AQP1: variants seen among roughly 807,000 people sequenced by gnomAD.
AQP1 encodes the protein aquaporin 1 (Colton blood group).
In AQP1, 11 loss-of-function variants were observed where a neutral mutation model predicts 19.7. The ratio of observed to expected loss-of-function variants is 0.56; its 90% CI spans 0.35 to 0.92. The LOEUF (loss-of-function observed/expected upper bound fraction) is 0.92, where lower values mean the gene tolerates loss of function less well. AQP1 is among the 40% of genes least tolerant of loss of function. The pLI is 0.01. For missense variants in AQP1, 320 were observed against 369.7 expected, an observed-to-expected ratio of 0.87 and a Z score of 1.10; for synonymous variants, 159 against 166.7, an observed-to-expected ratio of 0.95 and a Z score of 0.36.
rs1791504153 is a variant in AQP1 at position 30,921,699 on chromosome 7, C to T, written c.385-367C>T. ...CTCCTAGGAGTGCTCCTGACCATCACCTTCATGCCTGGGGCTCGCCCCTTG... is the reference window on the plus strand; with the variant it reads ...CTCCTAGGAGTGCTCCTGACCATCATCTTCATGCCTGGGGCTCGCCCCTTG... On this transcript the variant is annotated intron_variant, in intron 1 of 3. Coordinates refer to ENST00000311813, the MANE Select transcript of AQP1 (RefSeq NM_198098.4). The T allele has an allele frequency of 2.6e-6, 4 of 1,551,016 alleles. No homozygotes were observed. The South Asian group carries it at 3.6e-5, about 14-fold the overall frequency.
rs1440027723 is a variant in AQP1, at chr7:30,912,372, C to CAGATG, written c.384+80_384+84dup. The CAGATG allele has an allele frequency of 1.3e-6, 2 of 1,549,476 alleles. No homozygotes were observed. Among genetic ancestry groups the CAGATG allele is most frequent in the Admixed American group, 1.7e-5 (1 of 57,926 alleles). Reference sequence around the variant, plus strand: ...CTGGTTCCATCCTCTGCCCATTGTGCAGATGGGGACACTGAGGAACGGAGA... The same window carrying CAGATG: ...CTGGTTCCATCCTCTGCCCATTGTGCAGATGAGATGGGGACACTGAGGAACGGAGA... On this transcript the variant is annotated intron_variant, in intron 1 of 3. Coordinates refer to ENST00000311813, the MANE Select transcript of AQP1 (RefSeq NM_198098.4). This position sits in a 1 kb window ranked among gnomAD's most constrained non-coding sequence, Gnocchi z 4.3.
rs758697272 is a variant in AQP1, at chr7:30,923,984, C to T, written c.*355C>T. 2.5e-5 allele frequency: 35 copies of T among 1,381,892 alleles called. No individual in the cohort carries two copies. The highest frequency in any genetic ancestry group is 3.8e-5 in the Admixed American group (2 of 52,442). The allele number at this position is 1,381,892 out of a possible 1,614,324, so 85.6% of individuals were successfully genotyped here. On this transcript the variant is annotated 3_prime_UTR_variant, in exon 4 of 4. Transcript: ENST00000311813. The surrounding 1 kb of genome is among the most constrained non-coding windows in gnomAD (Gnocchi z 4.8). ...CCAAAGTTGCTCACCGACTCACCTG[C>T]GCAAGTGCCTGGGATTCTACCGTAA...
intron 1 of AQP1, among the ~76,000 whole-genome samples, chr7:30,919,669 C>A (rs1306439495): frequency 6.6e-6 from 1 of 151,580 alleles, no homozygotes. Flanking sequence ...GGGAACTGTC[C>A]TTGTTTAAGC....
rs1044347359 is a variant in AQP1, at chr7:30,912,379, G to C, written c.384+86G>C. The C allele has an allele frequency of 6.5e-7, 1 of 1,533,974 alleles. No individual in the cohort carries two copies. Among genetic ancestry groups the C allele is most frequent in the Admixed American group, 1.7e-5 (1 of 57,358 alleles). ...CATCCTCTGCCCATTGTGCAGATGG[G>C]GACACTGAGGAACGGAGAGGACAAG... is the stretch of plus-strand genomic sequence containing the variant. On this transcript the variant is annotated intron_variant, in intron 1 of 3. Transcript: ENST00000311813. The surrounding 1 kb of genome is among the most constrained non-coding windows in gnomAD (Gnocchi z 4.3).
chr7:30,911,878 G>A lies in AQP1; in HGVS notation c.-32G>A, dbSNP rs755515550. 1.8e-5 allele frequency: 29 copies of A among 1,611,612 alleles called. No homozygotes were observed. The highest frequency in any genetic ancestry group is 1.7e-4 in the Middle Eastern group (1 of 5,720). On this transcript the variant is annotated 5_prime_UTR_variant, in exon 1 of 4. Transcript: ENST00000311813. ...AGCTCTCAGAGGGAATTGAGCACCC[G>A]GCAGCGGTCTCAGGCCAAGCCCCCT...
chr7:30,916,486 C>T (rs551767767), intron 1 of AQP1, among the ~76,000 whole-genome samples: 25 of 152,352 alleles, frequency 1.6e-4, no homozygotes, highest in African/African-American at 5.5e-4. Context: ...AAATGCTGTC[C>T]GCGAGGCCCT....
In AQP1 at chr7:30,921,166, T is replaced by C. The variant is rs1791487301; in HGVS notation, c.385-900T>C. On this transcript the variant is annotated intron_variant, in intron 1 of 3. Transcript: ENST00000311813. The stretch of plus-strand genomic sequence containing the variant: ...CCCCTGTGTGAGTGCACTTAGCCCC[T>C]GGGACGGCCACAAAGCATAGTGGAA... 9.7e-6 allele frequency: 6 copies of C among 620,942 alleles called. No individual in the cohort carries two copies. In the South Asian group the frequency reaches 3.3e-4, roughly 34 times the overall value. The allele number at this position is 620,942 out of a possible 1,614,324, so 38.5% of individuals were successfully genotyped here. A position where few individuals can be genotyped will look rare whatever the true frequency, so the allele number is the denominator to read the frequency against.
intron 1 of AQP1, 53 bp from the exon 2 acceptor site, chr7:30,922,013 C>T: frequency 1.2e-6 from 2 of 1,609,620 alleles, no homozygotes; most frequent in South Asian, 2.2e-5. Context: ...GGTCCTGGGA[C>T]ACAGTCCCTG....
intron 2 of AQP1, 49 bp downstream of exon 2, chr7:30,922,279 G>A (rs1353451453): frequency 6.5e-7 from 1 of 1,537,368 alleles, no homozygotes; most frequent in Non-Finnish European, 8.7e-7. Context: ...GAGGGCGGGG[G>A]CTGGTGGGGT....
At position 30,922,187 on chromosome 7, in the gene AQP1, C is replaced by G. The variant is rs1791532692; in HGVS notation, c.506C>G (p.Pro169Arg). 6.2e-7 allele frequency: 1 copy of G among 1,611,880 alleles called. No individual in the cohort carries two copies. The highest frequency in any genetic ancestry group is 8.5e-7 in the Non-Finnish European group (1 of 1,179,972). ...RRRRDLGGSA[P>R]LAIGLSVALG... ...CGCCGTGACCTTGGTGGCTCAGCCCCCCTTGCCATCGGCCTCTCTGTAGCC... is the reference window on the plus strand; with the variant it reads ...CGCCGTGACCTTGGTGGCTCAGCCCGCCTTGCCATCGGCCTCTCTGTAGCC... The change falls in exon 2 of 4, where the codon CCC becomes CGC. Residue 169 changes from proline (P) to arginine (R), a missense_variant. By Grantham distance (103) the Pro-to-Arg change is moderately radical. Transcript: ENST00000311813.
At chr7:30,914,465 G>A (rs1050428635) in intron 1 of AQP1, among the ~76,000 whole-genome samples, 17 of 152,220 alleles carry the variant, frequency 1.1e-4, no homozygotes, top group African/African-American at 3.9e-4. Flanking sequence ...TGAACATAAG[G>A]GCGCTTAGCA....
chr7:30,923,180 G>C lies in AQP1; in HGVS notation c.631-270G>C, dbSNP rs1444817508. 6.6e-6 allele frequency among the ~76,000 whole-genome samples: 1 copy of C among 152,242 alleles called. No individual in the cohort carries two copies. The highest frequency in any genetic ancestry group is 1.5e-5 in the Non-Finnish European group (1 of 68,044). On this transcript the variant is annotated intron_variant, in intron 3 of 3. Transcript: ENST00000311813. The surrounding 1 kb of genome is among the most constrained non-coding windows in gnomAD (Gnocchi z 4.8). ...GGGCCCTTCCAAAGCTGGGAGTGTG[G>C]GGGCAGTGGCCTTCCTCAAGAAGGG...
chr7:30,914,116 G>T (rs1791247609), intron 1 of AQP1, among the ~76,000 whole-genome samples: 1 of 152,184 alleles, frequency 6.6e-6, no homozygotes, highest in South Asian at 2.1e-4. Flanking sequence ...TGTGCCATCT[G>T]GAACAGAGGC....
At chr7:30,914,333 C>G (rs985808101) in intron 1 of AQP1, among the ~76,000 whole-genome samples, 1 of 152,200 alleles carries the variant, frequency 6.6e-6, no homozygotes, top group Non-Finnish European at 1.5e-5. Flanking sequence ...CCCTGACCCT[C>G]GAGAGGGAAC....
In AQP1 at chr7:30,924,441, T is replaced by G. The variant is rs1395077656; in HGVS notation, c.*812T>G. 6.5e-6 allele frequency: 1 copy of G among 153,226 alleles called. No homozygotes were observed. Among genetic ancestry groups the G allele is most frequent in the Non-Finnish European group, 1.5e-5 (1 of 68,774 alleles). 9.5% of individuals were successfully genotyped at this position (153,226 alleles called of 1,614,324 possible). On this transcript the variant is annotated 3_prime_UTR_variant, in exon 4 of 4. Coordinates refer to ENST00000311813, the MANE Select transcript of AQP1 (RefSeq NM_198098.4). ...GACAGACAGCCAGGTAGTTGGAACT[T>G]TCTGTTCCCTATGGAGAGGCTTCCC... is the stretch of plus-strand genomic sequence containing the variant.
Position 30,912,088 on chromosome 7 carries a change from T to C in AQP1, c.179T>C (p.Ile60Thr), listed in dbSNP as rs1443085404. ...GTGTCGCTGGCCTTCGGGCTGAGCA[T>C]CGCCACGCTGGCGCAGAGTGTGGGC... Reference protein sequence around the residue: ...VKVSLAFGLSIATLAQSVGHI... With the variant: ...VKVSLAFGLSTATLAQSVGHI... The change falls in exon 1 of 4, where the codon ATC becomes ACC. Residue 60 changes from isoleucine to threonine, a missense_variant. Coordinates refer to ENST00000311813, the MANE Select transcript of AQP1 (RefSeq NM_198098.4). This position sits in a 1 kb window ranked among gnomAD's most constrained non-coding sequence, Gnocchi z 4.3. 1.9e-6 allele frequency: 3 copies of C among 1,613,328 alleles called. No homozygotes were observed. The highest frequency in any genetic ancestry group is 2.2e-5 in the East Asian group (1 of 44,880).
In AQP1 at chr7:30,923,629, G is replaced by A. The variant is rs1026850424; in HGVS notation, c.810G>A (p.Ter270=). ...CCAGGGTGGAGATGAAGCCCAAATAGAAGGGGTCTGGCCCGGGCATCCACG... is the reference window on the plus strand; with the variant it reads ...CCAGGGTGGAGATGAAGCCCAAATAAAAGGGGTCTGGCCCGGGCATCCACG... The part of the protein sequence containing the change: ...INSRVEMKPK[*] The change falls in exon 4 of 4, where the codon TAG becomes TAA. Residue 270 remains the stop codon, a stop_retained_variant. Coordinates refer to ENST00000311813, the MANE Select transcript of AQP1 (RefSeq NM_198098.4). The surrounding 1 kb of genome is among the most constrained non-coding windows in gnomAD (Gnocchi z 4.8). 2.6e-6 allele frequency: 4 copies of A among 1,566,642 alleles called. No homozygotes were observed. The highest frequency in any genetic ancestry group is 3.5e-6 in the Non-Finnish European group (4 of 1,151,248).
At chr7:30,918,872 C>T (rs79622920) in intron 1 of AQP1, among the ~76,000 whole-genome samples, 1,701 of 152,338 alleles carry the variant, frequency 0.011, 15 homozygotes, top group Non-Finnish European at 0.018. Flanking sequence ...GAGTGGCCAG[C>T]CCATTGACCT....
rs972796774 is a variant in AQP1 at position 30,924,071 on chromosome 7, G to A, written c.*442G>A. On this transcript the variant is annotated 3_prime_UTR_variant, in exon 4 of 4. Transcript: ENST00000311813. Reference sequence around the variant, plus strand: ...CCTAACATGCACCTTGCTCCCAATGGTGCTTGGAGGGGGAAGAGATCCCAG... The same window carrying A: ...CCTAACATGCACCTTGCTCCCAATGATGCTTGGAGGGGGAAGAGATCCCAG... 8.2e-7 allele frequency: 1 copy of A among 1,222,244 alleles called. No homozygotes were observed. The highest frequency in any genetic ancestry group is 1.0e-6 in the Non-Finnish European group (1 of 956,384). 75.7% of individuals were successfully genotyped at this position (1,222,244 alleles called of 1,614,324 possible). A position where few individuals can be genotyped will look rare whatever the true frequency, so the allele number is the denominator to read the frequency against.
Sources: allele counts gnomAD v4.1 joint callset (sites outside exome capture counted in the v4.1 genomes callset), GRCh38; gene constraint gnomAD v4.1.1; non-coding constraint Gnocchi (gnomAD v3.1); transcripts MANE v1.5; gene names NCBI Gene and HGNC (gene_info 2026-07-23, HGNC 2026-07-21).